MUCL1: variants seen among roughly 807,000 people sequenced by gnomAD.
MUCL1 encodes the protein mucin like 1, also known as mucin-like protein 1.
A neutral mutation model predicts 9.2 loss-of-function variants in MUCL1; 11 were observed. That is an observed-to-expected ratio of 1.19 (90% CI 0.75 to 1.97). MUCL1 has a LOEUF of 1.97. Among genes scored for constraint, MUCL1 ranks in the 30% most tolerant of loss-of-function variants. MUCL1 has a pLI of 0.00. For synonymous variants in MUCL1, 48 were observed against 40.5 expected (o/e 1.19, Z -0.71); for missense variants, 144 against 110.9 (o/e 1.30, Z -1.34).
chr12:54,835,563 A>G (rs1370158811), upstream of MUCL1, among the ~76,000 whole-genome samples: 1 of 148,738 alleles, frequency 6.7e-6, no homozygotes, highest in African/African-American at 2.5e-5. Flanking sequence ...TCTTCTTTTG[A>G]GAAGTGTCTA....
At chr12:54,837,789 CA>C (rs141375569), upstream of MUCL1, among the ~76,000 whole-genome samples, 5,489 of 151,876 alleles carry the variant, frequency 0.036, 137 homozygotes, top group African/African-American at 0.067. Context: ...AAAACAAAAA[CA>C]AAAAAAATCA....
upstream of MUCL1, among the ~76,000 whole-genome samples, chr12:54,853,037 C>G: frequency 6.6e-6 from 1 of 152,250 alleles, no homozygotes; most frequent in Middle Eastern, 3.4e-3. Context: ...CTCTGCCTTT[C>G]TTCATTCACC....
upstream of MUCL1, among the ~76,000 whole-genome samples, chr12:54,849,634 C>T (rs550018357): frequency 6.6e-6 from 1 of 151,930 alleles, no homozygotes; most frequent in South Asian, 2.1e-4. Context: ...GAATATATTG[C>T]ATAATATTTG....
intron 1 of MUCL1, among the ~76,000 whole-genome samples, chr12:54,840,215 G>A (rs117463671): frequency 9.9e-5 from 15 of 152,270 alleles, no homozygotes; most frequent in African/African-American, 1.9e-4. Context: ...TTCTGATGGC[G>A]ATGGCACAAG....
rs184967577 is a variant in MUCL1, at chr12:54,857,752, T to A, written c.224-441T>A. Among the ~76,000 whole-genome samples, 124 of 152,282 alleles carry A rather than the reference T, an allele frequency of 8.1e-4. 1 individual carries two copies. The highest frequency in any genetic ancestry group is 2.9e-3 in the African/African-American group (119 of 41,572). Reference sequence around the variant, plus strand: ...AGCACACGGGCAGAAAGAAAAAGGATTCAAATTACACCCATACAATCAAAG... The same window carrying A: ...AGCACACGGGCAGAAAGAAAAAGGAATCAAATTACACCCATACAATCAAAG... On this transcript the variant is annotated intron_variant, in intron 3 of 3. Coordinates refer to ENST00000308796, the MANE Select transcript of MUCL1 (RefSeq NM_058173.3).
At chr12:54,856,046 C>G (rs1003596611) in intron 2 of MUCL1, among the ~76,000 whole-genome samples, 7 of 152,256 alleles carry the variant, frequency 4.6e-5, no homozygotes, top group Admixed American at 2.0e-4. Context: ...TGTGTAAGGT[C>G]TAGAGAGAGA....
At chr12:54,842,259 G>T (rs1378074) in intron 1 of MUCL1, among the ~76,000 whole-genome samples, 7 of 151,492 alleles carry the variant, frequency 4.6e-5, no homozygotes, top group Non-Finnish European at 7.4e-5. Flanking sequence ...AAATTACATC[G>T]TTAAAAATTC....
chr12:54,847,119 T>C (rs893694947), intron 1 of MUCL1, among the ~76,000 whole-genome samples: 2 of 152,184 alleles, frequency 1.3e-5, no homozygotes, highest in Admixed American at 6.5e-5. Context: ...GCTTATCATA[T>C]GAATTTGTCT....
Position 54,856,831 on chromosome 12 carries a change from C to T in MUCL1, c.162C>T (p.Thr54=), listed in dbSNP as rs1592250739. 6.2e-7 allele frequency: 1 copy of T among 1,612,840 alleles called. No homozygotes were observed. Among genetic ancestry groups the T allele is most frequent in the Non-Finnish European group, 8.5e-7 (1 of 1,179,138 alleles). Residue 54 remains threonine, a synonymous_variant, in exon 3 of 4, where the codon ACC becomes ACT. Transcript: ENST00000308796. ...CCACTGCTGCTGCAACCACTGCAAC[C>T]ACTGCTGCTCCTACCACTGCAACCA... is the stretch of plus-strand genomic sequence containing the variant. ...AETTAAATTA[T]TAAPTTATTA...
At chr12:54,844,857 T>C (rs1316380924) in intron 1 of MUCL1, among the ~76,000 whole-genome samples, 3 of 152,216 alleles carry the variant, frequency 2.0e-5, no homozygotes, top group African/African-American at 7.2e-5. Context: ...TTTGATCACT[T>C]ATTTCTGCAG....
Position 54,843,556 on chromosome 12 carries a change from T to A in MUCL1, c.43+4109T>A, listed in dbSNP as rs116136068. On this transcript the variant is annotated intron_variant, in intron 1 of 3. Transcript: ENST00000546809. ...AGCTGAACATATAATGAGCAAGTTATCCTGGATTATTCAGGTAGGCACAGT... is the reference window on the plus strand; with the variant it reads ...AGCTGAACATATAATGAGCAAGTTAACCTGGATTATTCAGGTAGGCACAGT... Among the ~76,000 whole-genome samples the A allele has an allele frequency of 4.3e-3, 653 of 152,310 alleles. 3 individuals are homozygous for A. The highest frequency in any genetic ancestry group is 0.015 in the African/African-American group (617 of 41,570).
intron 2 of MUCL1, among the ~76,000 whole-genome samples, chr12:54,855,733 C>T (rs1359003147): frequency 2.0e-5 from 3 of 152,228 alleles, no homozygotes; most frequent in African/African-American, 4.8e-5. Context: ...GGGCTTCTCC[C>T]AAAGTGTTCT....
intron 1 of MUCL1, among the ~76,000 whole-genome samples, chr12:54,845,331 A>G (rs1386803): frequency 4.6e-5 from 7 of 152,194 alleles, no homozygotes; most frequent in Non-Finnish European, 8.8e-5. Flanking sequence ...TTGACTGGCA[A>G]GGAGACAGGA....
chr12:54,843,208 C>T (rs1333438131), intron 1 of MUCL1, among the ~76,000 whole-genome samples: 2 of 152,134 alleles, frequency 1.3e-5, no homozygotes, highest in Admixed American at 6.5e-5. Flanking sequence ...TAAATGGTAT[C>T]TATTGTTGTC....
At chr12:54,834,366 A>T (rs1959189523) in intron 1 of MUCL1, among the ~76,000 whole-genome samples, 2 of 151,992 alleles carry the variant, frequency 1.3e-5, no homozygotes, top group African/African-American at 4.8e-5. Context: ...TCAATCAGTC[A>T]CTGTATATTT....
intron 2 of MUCL1, 108 bp downstream of exon 2, chr12:54,855,265 C>T (rs1868290578): frequency 2.1e-6 from 2 of 967,352 alleles, no homozygotes; most frequent in African/African-American, 3.2e-5. Context: ...TATAAGGAAT[C>T]CTAAGCAAAA....
At chr12:54,851,889 C>A (rs10747722), upstream of MUCL1, among the ~76,000 whole-genome samples, 1 of 151,384 alleles carries the variant, frequency 6.6e-6, no homozygotes, top group Non-Finnish European at 1.5e-5. Flanking sequence ...CAAATCATGA[C>A]TGAACTCCCA....
chr12:54,849,146 G>A (rs1592248295), intron 1 of MUCL1, among the ~76,000 whole-genome samples: 2 of 152,020 alleles, frequency 1.3e-5, no homozygotes, highest in Non-Finnish European at 2.9e-5. Flanking sequence ...ATAATTTAAG[G>A]CCATTTTGTA....
At chr12:54,837,668 C>A (rs1197826525), upstream of MUCL1, among the ~76,000 whole-genome samples, 1 of 152,102 alleles carries the variant, frequency 6.6e-6, no homozygotes, top group African/African-American at 2.4e-5. Flanking sequence ...ACTCGGGAGG[C>A]TGAGGCAGGA....
Sources: allele counts gnomAD v4.1 joint callset (sites outside exome capture counted in the v4.1 genomes callset), GRCh38; gene constraint gnomAD v4.1.1; transcripts MANE v1.5; gene names NCBI Gene and HGNC (gene_info 2026-07-23, HGNC 2026-07-21).